The following EXOC4 variants were observed in gnomAD, a reference collection of about 807,000 sequenced individuals.
EXOC4 encodes SEC8-like 1.
Under a neutral mutation model 107.2 loss-of-function variants are expected in EXOC4, and 71 were observed. That is an observed-to-expected ratio of 0.66 (90% CI 0.55 to 0.81). The LOEUF (loss-of-function observed/expected upper bound fraction) is 0.81, where lower values mean the gene tolerates loss of function less well. Among genes scored for constraint, EXOC4 ranks in the 30% least tolerant of loss-of-function variants. The pLI is 0.00. For synonymous variants in EXOC4, 456 were observed against 441.2 expected (o/e 1.03, Z -0.42); for missense variants, 1,108 against 1,189.6 (o/e 0.93, Z 1.01).
intron 14 of EXOC4, among the ~76,000 whole-genome samples, chr7:133,953,817 A>G (rs150040427): frequency 3.5e-4 from 54 of 152,350 alleles, no homozygotes; most frequent in Middle Eastern, 3.4e-3. Context: ...AAAACAATAC[A>G]TTGAAGCATG....
intron 7 of EXOC4, among the ~76,000 whole-genome samples, chr7:133,443,278 C>T (rs1048170721): frequency 5.9e-5 from 9 of 151,998 alleles, no homozygotes; most frequent in South Asian, 2.1e-4. Flanking sequence ...GGTTGGGTTC[C>T]GAGGAGACCC....
At chr7:133,880,983 T>C (rs925273808) in intron 11 of EXOC4, among the ~76,000 whole-genome samples, 4 of 152,210 alleles carry the variant, frequency 2.6e-5, no homozygotes, top group African/African-American at 9.6e-5. Flanking sequence ...CCTAACTCTT[T>C]AGCCTGACAA....
intron 10 of EXOC4, among the ~76,000 whole-genome samples, chr7:133,750,067 T>C (rs1332435459): frequency 6.8e-6 from 1 of 146,386 alleles, no homozygotes; most frequent in Non-Finnish European, 1.5e-5. Context: ...TTAGCAGAAG[T>C]GAAGGAATGG....
chr7:133,385,259 T>G (rs1282245685), intron 7 of EXOC4, among the ~76,000 whole-genome samples: 1 of 152,186 alleles, frequency 6.6e-6, no homozygotes, highest in Non-Finnish European at 1.5e-5. Flanking sequence ...AAATAGAATT[T>G]ATTTAGTGTG....
At chr7:133,493,240 C>T (rs1799409656) in intron 9 of EXOC4, among the ~76,000 whole-genome samples, 1 of 152,146 alleles carries the variant, frequency 6.6e-6, no homozygotes, top group Non-Finnish European at 1.5e-5. Flanking sequence ...ACCTGGCCAA[C>T]ATGGTGAAGT....
At chr7:133,351,396 C>T (rs1387022543) in intron 5 of EXOC4, among the ~76,000 whole-genome samples, 1 of 151,876 alleles carries the variant, frequency 6.6e-6, no homozygotes, top group Non-Finnish European at 1.5e-5. Flanking sequence ...TTTGGATTTT[C>T]TATTTCTTTG....
At chr7:133,781,027 A>G (rs922586559) in intron 10 of EXOC4, among the ~76,000 whole-genome samples, 2 of 152,240 alleles carry the variant, frequency 1.3e-5, no homozygotes, top group Admixed American at 1.3e-4. Flanking sequence ...AGCAAGAGGC[A>G]CTGGCCACTG....
chr7:133,375,111 C>A, intron 7 of EXOC4, 109 bp downstream of exon 7: 1 of 841,906 alleles, frequency 1.2e-6, no homozygotes, highest in Non-Finnish European at 1.8e-6. Flanking sequence ...GAGTCATAAA[C>A]AGGGTGAGAA....
At chr7:133,566,749 T>C (rs111709061) in intron 9 of EXOC4, among the ~76,000 whole-genome samples, 64 of 152,330 alleles carry the variant, frequency 4.2e-4, no homozygotes, top group African/African-American at 1.5e-3. Context: ...GAATAGATAC[T>C]CAATAAATAT....
intron 7 of EXOC4, among the ~76,000 whole-genome samples, chr7:133,393,396 GAGTT>G (rs1796897046): frequency 6.6e-6 from 1 of 152,126 alleles, no homozygotes; most frequent in African/African-American, 2.4e-5. Context: ...TAAACTCACA[GAGTT>G]TGGCAGTATG....
intron 14 of EXOC4, among the ~76,000 whole-genome samples, chr7:133,954,984 G>A (rs2971961): frequency 0.3 from 45,853 of 152,172 alleles, 7,337 homozygotes; most frequent in Non-Finnish European, 0.34. Flanking sequence ...CAGGAACTGC[G>A]GAGCCCCAAA....
intron 9 of EXOC4, among the ~76,000 whole-genome samples, chr7:133,553,420 C>T (rs778859665): frequency 1.1e-4 from 17 of 152,076 alleles, no homozygotes; most frequent in Non-Finnish European, 2.1e-4. Flanking sequence ...TTTTGCTGTA[C>T]CACCTGTCTA....
At chr7:133,660,343 A>G (rs1027080058) in intron 10 of EXOC4, among the ~76,000 whole-genome samples, 14 of 152,224 alleles carry the variant, frequency 9.2e-5, no homozygotes, top group Middle Eastern at 3.4e-3. Context: ...GAAACCGTGA[A>G]CTAGAGTAAG....
At chr7:133,411,873 G>T (rs1419439835) in intron 7 of EXOC4, among the ~76,000 whole-genome samples, 1 of 152,138 alleles carries the variant, frequency 6.6e-6, no homozygotes, top group East Asian at 1.9e-4. Flanking sequence ...GAACATGCTT[G>T]TTTATTTGGT....
At chr7:133,715,586 A>C (rs969020386) in intron 10 of EXOC4, among the ~76,000 whole-genome samples, 1 of 151,614 alleles carries the variant, frequency 6.6e-6, no homozygotes, top group Non-Finnish European at 1.5e-5. Flanking sequence ...CAGTATAAAA[A>C]CCCTTATATT....
chr7:133,885,829 G>A (rs1281649590), intron 11 of EXOC4, among the ~76,000 whole-genome samples: 3 of 152,100 alleles, frequency 2.0e-5, no homozygotes, highest in African/African-American at 4.8e-5. Flanking sequence ...CATGTTCAGA[G>A]GAACTGGAGA....
intron 10 of EXOC4, among the ~76,000 whole-genome samples, chr7:133,701,519 C>T (rs1405899592): frequency 2.0e-5 from 3 of 152,136 alleles, no homozygotes; most frequent in Non-Finnish European, 4.4e-5. Context: ...CCAATGGATA[C>T]CTGAATCCAT....
At chr7:133,558,012 G>C (rs894169385) in intron 9 of EXOC4, among the ~76,000 whole-genome samples, 2 of 151,954 alleles carry the variant, frequency 1.3e-5, no homozygotes, top group Admixed American at 1.3e-4. Context: ...AAAAACCCCA[G>C]CAAATATGGG....
intron 10 of EXOC4, among the ~76,000 whole-genome samples, chr7:133,649,613 T>G (rs776876864): frequency 9.2e-5 from 14 of 152,078 alleles, no homozygotes; most frequent in Non-Finnish European, 1.8e-4. Context: ...TCACTAATAC[T>G]TTCAGTCACC....
Sources: allele counts gnomAD v4.1 joint callset (sites outside exome capture counted in the v4.1 genomes callset), GRCh38; gene constraint gnomAD v4.1.1; transcripts MANE v1.5; gene names NCBI Gene and HGNC (gene_info 2026-07-23, HGNC 2026-07-21).